Variants in BICD1 observed in about 807,000 individuals in gnomAD.
BICD1 encodes protein bicaudal D homolog 1.
A neutral mutation model predicts 92.5 loss-of-function variants in BICD1; 35 were observed. The ratio of observed to expected loss-of-function variants is 0.38; its 90% CI spans 0.29 to 0.50. BICD1 has a LOEUF of 0.50. Among genes scored for constraint, BICD1 ranks in the 20% least tolerant of loss-of-function variants. The pLI, the probability that BICD1 is intolerant of heterozygous loss-of-function variation, is 0.93. For missense variants in BICD1, 950 were observed against 1,189.8 expected (o/e 0.80, Z 2.97); for synonymous variants, 429 against 465.1 (o/e 0.92, Z 1.00).
At chr12:32,149,897 C>T (rs564088570) in intron 1 of BICD1, among the ~76,000 whole-genome samples, 1 of 152,296 alleles carries the variant, frequency 6.6e-6, no homozygotes, top group African/African-American at 2.4e-5. Context: ...CTATCGTATT[C>T]GTTCGTTCTC....
At chr12:32,175,491 A>G (rs1049656140) in intron 1 of BICD1, among the ~76,000 whole-genome samples, 37 of 151,866 alleles carry the variant, frequency 2.4e-4, no homozygotes, top group African/African-American at 8.5e-4. Flanking sequence ...TAATTTTTGT[A>G]TTTTTAGTAG....
chr12:32,214,256 C>G (rs972174246), intron 1 of BICD1, among the ~76,000 whole-genome samples: 2 of 152,072 alleles, frequency 1.3e-5, no homozygotes, highest in Admixed American at 6.5e-5. Context: ...CTCCAAAGAC[C>G]CTAGTTCTTT....
At chr12:32,358,751 AC>A (rs1326074618) in intron 8 of BICD1, among the ~76,000 whole-genome samples, 1 of 152,166 alleles carries the variant, frequency 6.6e-6, no homozygotes, top group Non-Finnish European at 1.5e-5. Flanking sequence ...AAAAAGTAAT[AC>A]AGAAAGTGAC....
intron 9 of BICD1, among the ~76,000 whole-genome samples, chr12:32,373,639 G>A (rs938700500): frequency 2.0e-5 from 3 of 152,070 alleles, no homozygotes; most frequent in African/African-American, 7.2e-5. Context: ...TTGGGAGGCT[G>A]AGGCGGGTGG....
intron 1 of BICD1, among the ~76,000 whole-genome samples, chr12:32,143,769 G>A (rs1429449402): frequency 1.3e-5 from 2 of 152,282 alleles, no homozygotes; most frequent in Middle Eastern, 3.4e-3. Context: ...AGCAGTGTAT[G>A]AGAATTCTCT....
intron 1 of BICD1, among the ~76,000 whole-genome samples, chr12:32,157,096 T>A (rs1469655430): frequency 1.3e-5 from 2 of 151,726 alleles, no homozygotes; most frequent in African/African-American, 4.8e-5. Flanking sequence ...GGTCTGGTTT[T>A]CATAGGCTTA....
At chr12:32,316,787 G>A (rs996893024) in intron 4 of BICD1, among the ~76,000 whole-genome samples, 3 of 151,784 alleles carry the variant, frequency 2.0e-5, no homozygotes, top group Non-Finnish European at 2.9e-5. Flanking sequence ...CATGTGCCAT[G>A]TTGGTGTGCT....
Position 32,203,597 on chromosome 12 carries a change from C to T in BICD1, c.214-12650C>T, listed in dbSNP as rs117996055. On this transcript the variant is annotated intron_variant, in intron 1 of 9. Coordinates refer to ENST00000652176, the MANE Select transcript of BICD1 (RefSeq NM_001714.4). ...GAACATCTGAACCCCCGGCCCATTT[C>T]GGATTAAAGGAGGGTTGCCAGGTGA... 1.2e-3 allele frequency among the ~76,000 whole-genome samples: 180 copies of T among 152,222 alleles called. 2 individuals are homozygous for T. The East Asian group carries it at 0.026, about 22-fold the overall frequency.
At chr12:32,329,435 C>T (rs1041634245) in intron 5 of BICD1, among the ~76,000 whole-genome samples, 1 of 152,114 alleles carries the variant, frequency 6.6e-6, no homozygotes, top group Admixed American at 6.5e-5. Flanking sequence ...TGTCCTTCAT[C>T]CCAAACTTAG....
intron 1 of BICD1, among the ~76,000 whole-genome samples, chr12:32,117,317 A>G (rs1941950602): frequency 6.6e-6 from 1 of 152,116 alleles, no homozygotes; most frequent in Non-Finnish European, 1.5e-5. Flanking sequence ...AAATAATTTG[A>G]TAAGTTTATG....
intron 2 of BICD1, among the ~76,000 whole-genome samples, chr12:32,231,472 G>C (rs1049860785): frequency 6.6e-6 from 1 of 151,638 alleles, no homozygotes; most frequent in Non-Finnish European, 1.5e-5. Flanking sequence ...TCCAAAAAAA[G>C]CATATTTAAA....
intron 8 of BICD1, among the ~76,000 whole-genome samples, chr12:32,345,378 A>G (rs1938528219): frequency 6.6e-6 from 1 of 152,138 alleles, no homozygotes; most frequent in Non-Finnish European, 1.5e-5. Context: ...TCAATAGGTA[A>G]TGGTTCAAAA....
At position 32,265,010 on chromosome 12, in the gene BICD1, G is replaced by A. The variant is rs57969348; in HGVS notation, c.427-28984G>A. ...CTGGAGTTATTTTTCTGTGCTGGTC[G>A]CTCCTTTCCAGAATTCTACTCTGCA... On this transcript the variant is annotated intron_variant, in intron 2 of 9. Transcript: ENST00000652176. Among the ~76,000 whole-genome samples, 1,392 of 152,082 alleles carry A rather than the reference G, an allele frequency of 9.2e-3. 26 individuals are homozygous for A. The highest frequency in any genetic ancestry group is 0.032 in the African/African-American group (1,312 of 41,480).
intron 1 of BICD1, among the ~76,000 whole-genome samples, chr12:32,118,417 C>T (rs1013501174): frequency 1.3e-5 from 2 of 152,074 alleles, no homozygotes; most frequent in Non-Finnish European, 2.9e-5. Flanking sequence ...GTCAACTAGT[C>T]AGGCCCCAGA....
At chr12:32,348,182 A>AT (rs1267642095) in intron 8 of BICD1, among the ~76,000 whole-genome samples, 1 of 152,172 alleles carries the variant, frequency 6.6e-6, no homozygotes, top group Non-Finnish European at 1.5e-5. Context: ...TCCTTAAAAG[A>AT]TTTCATATTC....
intron 1 of BICD1, chr12:32,109,691 A>C (rs2121122572): frequency 6.6e-6 from 1 of 152,098 alleles, no homozygotes; most frequent in South Asian, 2.1e-4. Context: ...AGTTATATAA[A>C]AATGTATTTT....
intron 2 of BICD1, among the ~76,000 whole-genome samples, chr12:32,252,644 G>T (rs1046581562): frequency 6.6e-6 from 1 of 152,100 alleles, no homozygotes; most frequent in Non-Finnish European, 1.5e-5. Flanking sequence ...ATTTGCATCC[G>T]TGATGAGGTG....
At chr12:32,236,395 AAAT>A (rs200421228) in intron 2 of BICD1, among the ~76,000 whole-genome samples, 1 of 149,570 alleles carries the variant, frequency 6.7e-6, no homozygotes, top group Non-Finnish European at 1.5e-5. Context: ...ACTCCATCTC[AAAT>A]AATAATAATA....
intron 2 of BICD1, among the ~76,000 whole-genome samples, chr12:32,239,834 C>A (rs1291442543): frequency 2.0e-5 from 3 of 151,932 alleles, no homozygotes; most frequent in Admixed American, 2.0e-4. Flanking sequence ...TCTCAAACTC[C>A]CAACCTCAAG....
Sources: gnomAD v4.1 joint callset for allele counts (sites outside exome capture counted in the v4.1 genomes callset) on GRCh38, gnomAD v4.1.1 for gene constraint, MANE v1.5 for transcripts, NCBI Gene and HGNC (gene_info 2026-07-23, HGNC 2026-07-21) for gene names.